DPF3: variants seen among roughly 807,000 people sequenced by gnomAD.
DPF3 encodes double PHD fingers 3.
A neutral mutation model predicts 56.8 loss-of-function variants in DPF3; 18 were observed. The ratio of observed to expected loss-of-function variants is 0.32; its 90% CI spans 0.22 to 0.47. DPF3 has a LOEUF of 0.47. Among genes scored for constraint, DPF3 ranks in the 20% least tolerant of loss-of-function variants. The pLI is 1.00. For missense variants in DPF3, 403 were observed against 488.8 expected, an observed-to-expected ratio of 0.82 and a Z score of 1.65; for synonymous variants, 188 against 180.2, an observed-to-expected ratio of 1.04 and a Z score of -0.35.
chr14:72,886,442 G>T (rs1274989334), intron 1 of DPF3, among the ~76,000 whole-genome samples: 1 of 152,122 alleles, frequency 6.6e-6, no homozygotes, highest in Non-Finnish European at 1.5e-5. Flanking sequence ...AGGATCCCTT[G>T]GGGCCATGAT....
intron 6 of DPF3, 75 bp from the exon 7 acceptor site, chr14:72,693,288 A>C (rs1887775211): frequency 6.6e-7 from 1 of 1,511,224 alleles, no homozygotes; most frequent in Non-Finnish European, 9.0e-7. Flanking sequence ...TCATTCTCCC[A>C]GACAGTGATC....
chr14:72,692,571 G>A (rs1887735306), intron 7 of DPF3, among the ~76,000 whole-genome samples: 1 of 152,192 alleles, frequency 6.6e-6, no homozygotes, highest in Non-Finnish European at 1.5e-5. Flanking sequence ...GGGGTCTCCA[G>A]GCAGCATTTC....
At position 72,616,134 on chromosome 14, in the gene DPF3, C is replaced by T. The variant is rs1884075247; in HGVS notation, c.*3163G>A. Among the ~76,000 whole-genome samples, 1 of 152,180 alleles carries T rather than the reference C, an allele frequency of 6.6e-6. No homozygotes were observed. The highest frequency in any genetic ancestry group is 2.4e-5 in the African/African-American group (1 of 41,442). On this transcript the variant is annotated 3_prime_UTR_variant, in exon 11 of 11. Coordinates refer to ENST00000556509, the MANE Select transcript of DPF3 (RefSeq NM_001280542.3). ...ATGTCACCTTGAATACCTGCAAAGA[C>T]CATGCTGGATAGGCCATGTTTCCCC...
At chr14:72,710,474 G>A (rs1402290261) in intron 6 of DPF3, among the ~76,000 whole-genome samples, 6 of 152,220 alleles carry the variant, frequency 3.9e-5, no homozygotes, top group African/African-American at 1.4e-4. Flanking sequence ...AATAATAAGA[G>A]CTGAGCAGTC....
At chr14:72,841,158 C>CTTG (rs3058953) in intron 1 of DPF3, among the ~76,000 whole-genome samples, 148,408 of 152,224 alleles carry the variant, frequency 0.97, 72,390 homozygotes, top group East Asian at 1. Flanking sequence ...TTGTTTCTAG[C>CTTG]TTGTTTGGGG....
intron 1 of DPF3, among the ~76,000 whole-genome samples, chr14:72,889,228 G>A (rs73306250): frequency 3.3e-5 from 5 of 152,276 alleles, no homozygotes; most frequent in African/African-American, 1.2e-4. Flanking sequence ...CTGCAGACCA[G>A]GCTATTTTCA....
At chr14:72,787,590 T>C (rs73302166) in intron 1 of DPF3, among the ~76,000 whole-genome samples, 4,069 of 152,300 alleles carry the variant, frequency 0.027, 172 homozygotes, top group African/African-American at 0.094. Flanking sequence ...AAATAGGACC[T>C]GGCTTTCATG....
intron 5 of DPF3, among the ~76,000 whole-genome samples, chr14:72,714,880 C>T (rs1290493738): frequency 1.3e-5 from 2 of 152,194 alleles, no homozygotes; most frequent in African/African-American, 4.8e-5. Context: ...CCACTGAGGC[C>T]GCTTCCTCCT....
chr14:72,799,835 C>T (rs1892798299), intron 1 of DPF3, among the ~76,000 whole-genome samples: 1 of 152,076 alleles, frequency 6.6e-6, no homozygotes, highest in Admixed American at 6.6e-5. Context: ...GGGAGCCACC[C>T]ATCAAGCAGG....
chr14:72,880,054 A>G, intron 1 of DPF3: 2 of 1,229,362 alleles, frequency 1.6e-6, no homozygotes, highest in Non-Finnish European at 2.2e-6. Context: ...TCTCCTGCAT[A>G]TGGCTCAGTA....
chr14:72,703,372 A>G (rs1328689346), intron 6 of DPF3, among the ~76,000 whole-genome samples: 1 of 152,170 alleles, frequency 6.6e-6, no homozygotes, highest in Non-Finnish European at 1.5e-5. Flanking sequence ...CCAGTGACCC[A>G]AAAGTCCTGT....
chr14:72,838,299 G>A (rs1174137177), intron 1 of DPF3, among the ~76,000 whole-genome samples: 1 of 152,026 alleles, frequency 6.6e-6, no homozygotes, highest in East Asian at 1.9e-4. Flanking sequence ...TTCGAGACCA[G>A]CCTGGCCAAC....
Position 72,892,941 on chromosome 14 carries a change from CTGGAAGGAAGGA to C in DPF3, c.32+1104_32+1115del, listed in dbSNP as rs1458002967. On this transcript the variant is annotated intron_variant, in intron 1 of 10. Coordinates refer to ENST00000556509, the MANE Select transcript of DPF3 (RefSeq NM_001280542.3). ...CTTGGCGGCTTAACAGTTCCACTGACTGGAAGGAAGGAAGGAAGGAAGGAAGGAAGGAAGGAA... is the reference window on the plus strand; with the variant it reads ...CTTGGCGGCTTAACAGTTCCACTGACAGGAAGGAAGGAAGGAAGGAAGGAA... Among the ~76,000 whole-genome samples the C allele has an allele frequency of 4.7e-5, 6 of 127,086 alleles. 1 individual carries two copies. The highest frequency in any genetic ancestry group is 1.3e-4 in the African/African-American group (4 of 31,580). 83.4% of individuals were successfully genotyped at this position (127,086 alleles called of 152,430 possible).
At chr14:72,876,172 G>A (rs879594250) in intron 1 of DPF3, among the ~76,000 whole-genome samples, 3 of 152,226 alleles carry the variant, frequency 2.0e-5, no homozygotes, top group Non-Finnish European at 2.9e-5. Flanking sequence ...GTTGCAAATC[G>A]GCCCTTGCAG....
chr14:72,843,621 C>T (rs2140071908), intron 1 of DPF3, among the ~76,000 whole-genome samples: 1 of 152,370 alleles, frequency 6.6e-6, no homozygotes, highest in Non-Finnish European at 1.5e-5. Flanking sequence ...CGGCTCACTG[C>T]AACCTCCACC....
intron 1 of DPF3, among the ~76,000 whole-genome samples, chr14:72,782,572 C>T (rs528576221): frequency 6.6e-6 from 1 of 152,172 alleles, no homozygotes; most frequent in African/African-American, 2.4e-5. Context: ...CGGTGGCCCA[C>T]GCCTGTAATC....
At chr14:72,738,061 T>C (rs1226427012) in intron 3 of DPF3, among the ~76,000 whole-genome samples, 1 of 152,166 alleles carries the variant, frequency 6.6e-6, no homozygotes, top group African/African-American at 2.4e-5. Flanking sequence ...CATTATTTCA[T>C]TTATCCCCAT....
At chr14:72,812,405 T>G (rs570005898) in intron 1 of DPF3, among the ~76,000 whole-genome samples, 65 of 152,274 alleles carry the variant, frequency 4.3e-4, no homozygotes, top group African/African-American at 1.5e-3. Context: ...CCCGCTAATG[T>G]GCTAAGCGTT....
At chr14:72,881,634 A>C (rs1007550476) in intron 1 of DPF3, among the ~76,000 whole-genome samples, 1 of 152,238 alleles carries the variant, frequency 6.6e-6, no homozygotes, top group Non-Finnish European at 1.5e-5. Context: ...TATAAATCCA[A>C]ATAAAATATT....
Sources: allele counts gnomAD v4.1 joint callset (sites outside exome capture counted in the v4.1 genomes callset), GRCh38; gene constraint gnomAD v4.1.1; transcripts MANE v1.5; gene names NCBI Gene and HGNC (gene_info 2026-07-23, HGNC 2026-07-21).